Variants in ADAM2 observed in about 807,000 individuals in gnomAD.
ADAM2 encodes ADAM metallopeptidase domain 2.
In ADAM2, 101 loss-of-function variants were observed where a neutral mutation model predicts 99.3. The observed-to-expected ratio is 1.02, with a 90% CI of 0.87 to 1.20. The LOEUF is 1.20. Among genes scored for constraint, ADAM2 ranks in the 50% most tolerant of loss-of-function variants. The pLI is 0.00. For synonymous variants in ADAM2, 323 were observed against 287.6 expected, an observed-to-expected ratio of 1.12 and a Z score of -1.25; for missense variants, 948 against 878.7, an observed-to-expected ratio of 1.08 and a Z score of -1.00.
intron 6 of ADAM2, among the ~76,000 whole-genome samples, chr8:39,816,270 C>G (rs1804938809): frequency 6.6e-6 from 1 of 152,202 alleles, no homozygotes; most frequent in South Asian, 2.1e-4. Context: ...GCACTCCAGC[C>G]TGGGCAACAA....
chr8:39,766,528 C>T (rs1260396183), intron 14 of ADAM2, among the ~76,000 whole-genome samples: 1 of 151,682 alleles, frequency 6.6e-6, no homozygotes, highest in Non-Finnish European at 1.5e-5. Context: ...GAACCTCAGC[C>T]TCCTGAGTAG....
chr8:39,816,910 C>A (rs1378305134), intron 6 of ADAM2, among the ~76,000 whole-genome samples: 1 of 152,146 alleles, frequency 6.6e-6, no homozygotes, highest in African/African-American at 2.4e-5. Context: ...GTTATTTATA[C>A]AAACAGCCTG....
At chr8:39,835,168 C>A (rs1805770227) in intron 2 of ADAM2, among the ~76,000 whole-genome samples, 3 of 152,134 alleles carry the variant, frequency 2.0e-5, no homozygotes, top group South Asian at 2.1e-4. Context: ...AAAGCCATTT[C>A]TTATTAAAAT....
chr8:39,789,069 T>C (rs1803594099), intron 7 of ADAM2, among the ~76,000 whole-genome samples: 1 of 151,554 alleles, frequency 6.6e-6, no homozygotes, highest in South Asian at 2.1e-4. Flanking sequence ...GATGTGTGTA[T>C]AGGAGACATA....
At chr8:39,758,985 CA>C (rs1211491413) in intron 15 of ADAM2, among the ~76,000 whole-genome samples, 1 of 151,782 alleles carries the variant, frequency 6.6e-6, no homozygotes, top group Non-Finnish European at 1.5e-5. Context: ...ATAATAAAGG[CA>C]AAGTCAATAA....
At chr8:39,798,596 A>G (rs1804072072) in intron 7 of ADAM2, among the ~76,000 whole-genome samples, 1 of 152,160 alleles carries the variant, frequency 6.6e-6, no homozygotes, top group Non-Finnish European at 1.5e-5. Flanking sequence ...ATTGTTTGGA[A>G]TAGTTTCAGA....
intron 19 of ADAM2, 137 bp downstream of exon 19, chr8:39,746,335 T>G (rs560524838): frequency 8.3e-5 from 52 of 627,334 alleles, no homozygotes; most frequent in Non-Finnish European, 1.1e-4. Flanking sequence ...CCATTAGTTA[T>G]TAATATATGA....
At chr8:39,807,704 C>T (rs1804497623) in intron 7 of ADAM2, among the ~76,000 whole-genome samples, 1 of 152,140 alleles carries the variant, frequency 6.6e-6, no homozygotes, top group African/African-American at 2.4e-5. Context: ...ACCCAGGTCT[C>T]AGATTTCCAA....
intron 6 of ADAM2, among the ~76,000 whole-genome samples, chr8:39,809,688 C>T (rs1402952208): frequency 6.6e-6 from 1 of 152,082 alleles, no homozygotes; most frequent in African/African-American, 2.4e-5. Flanking sequence ...AACAACTTCC[C>T]TCTATCTTCC....
intron 11 of ADAM2, among the ~76,000 whole-genome samples, chr8:39,772,992 G>A (rs1193640747): frequency 2.0e-5 from 3 of 151,572 alleles, no homozygotes; most frequent in Non-Finnish European, 3.0e-5. Context: ...TGTACATGAT[G>A]GAAGGAATCA....
intron 7 of ADAM2, among the ~76,000 whole-genome samples, chr8:39,789,442 T>A (rs1586103872): frequency 6.6e-6 from 1 of 151,814 alleles, no homozygotes; most frequent in Non-Finnish European, 1.5e-5. Context: ...CCATGGATCA[T>A]GATCCAGAAA....
At chr8:39,817,555 G>T (rs1292061343) in intron 6 of ADAM2, among the ~76,000 whole-genome samples, 1 of 152,026 alleles carries the variant, frequency 6.6e-6, no homozygotes, top group Non-Finnish European at 1.5e-5. Flanking sequence ...ACCCTGATTT[G>T]ATCATTACAC....
intron 12 of ADAM2, among the ~76,000 whole-genome samples, chr8:39,768,082 C>T (rs1257432519): frequency 6.6e-6 from 1 of 151,978 alleles, no homozygotes; most frequent in Non-Finnish European, 1.5e-5. Flanking sequence ...CACAGCTATT[C>T]TAAGAATTGT....
At chr8:39,832,688 T>C (rs577471365) in intron 3 of ADAM2, among the ~76,000 whole-genome samples, 8 of 152,348 alleles carry the variant, frequency 5.3e-5, no homozygotes, top group Admixed American at 5.2e-4. Context: ...GGTGATTCTC[T>C]GATGAAGGCT....
intron 7 of ADAM2, among the ~76,000 whole-genome samples, chr8:39,799,167 G>A (rs1469535658): frequency 6.6e-6 from 1 of 152,100 alleles, no homozygotes; most frequent in Non-Finnish European, 1.5e-5. Context: ...TTTCCAACAT[G>A]GGCATTTCGT....
intron 6 of ADAM2, among the ~76,000 whole-genome samples, chr8:39,810,707 G>C (rs553481108): frequency 4.6e-5 from 7 of 152,256 alleles, no homozygotes; most frequent in African/African-American, 1.4e-4. Context: ...CGAAATGAAG[G>C]CAGAAATAAA....
intron 11 of ADAM2, among the ~76,000 whole-genome samples, chr8:39,770,305 A>G (rs1302545837): frequency 6.6e-6 from 1 of 152,076 alleles, no homozygotes; most frequent in Admixed American, 6.6e-5. Flanking sequence ...ATCCATGTCT[A>G]TAGTTGCAAA....
intron 15 of ADAM2, among the ~76,000 whole-genome samples, chr8:39,756,916 GAAAC>G (rs891228706): frequency 2.6e-5 from 4 of 152,182 alleles, no homozygotes; most frequent in Non-Finnish European, 5.9e-5. Flanking sequence ...ACACAGAGGA[GAAAC>G]AAACATTGTC....
At chr8:39,838,100 A>G in intron 1 of ADAM2, 31 bp downstream of exon 1, 1 of 1,612,982 alleles carries the variant, frequency 6.2e-7, no homozygotes, top group Non-Finnish European at 8.5e-7. Context: ...TGAGGGTCCC[A>G]AAAGGCCAGA....
Sources: gnomAD v4.1 joint callset for allele counts (sites outside exome capture counted in the v4.1 genomes callset) on GRCh38, gnomAD v4.1.1 for gene constraint, MANE v1.5 for transcripts, NCBI Gene and HGNC (gene_info 2026-07-23, HGNC 2026-07-21) for gene names.